The following MYOM1 variants were observed in gnomAD, a reference collection of about 807,000 sequenced individuals.
MYOM1 encodes the protein myomesin-1.
In MYOM1, 164 loss-of-function variants were observed where a neutral mutation model predicts 205.3. That is an observed-to-expected ratio of 0.80 (90% CI 0.70 to 0.91). The LOEUF (loss-of-function observed/expected upper bound fraction) is 0.91. Among genes scored for constraint, MYOM1 ranks in the 40% least tolerant of loss-of-function variants. The probability of loss-of-function intolerance (pLI) is 0.00; values close to 1 mark genes in which losing one functional copy is unlikely to be tolerated. For synonymous variants in MYOM1, 772 were observed against 789.4 expected, an observed-to-expected ratio of 0.98 and a Z score of 0.37; for missense variants, 2,011 against 2,127.3, an observed-to-expected ratio of 0.95 and a Z score of 1.08.
At chr18:3,160,184 CTTTT>C (rs894399623) in intron 10 of MYOM1, among the ~76,000 whole-genome samples, 2 of 149,014 alleles carry the variant, frequency 1.3e-5, no homozygotes, top group African/African-American at 5.0e-5. Flanking sequence ...TTCTCTCTCT[CTTTT>C]TTTTCTTTCT....
In MYOM1 at chr18:3,129,225, C is replaced by G; in HGVS notation, c.2794+7G>C. ...GGATGGAACAGCTTCCCTTTCTCAA[C>G]TCTCACCTCTGTCTGTCTTCTTTTT... On this transcript the variant is annotated splice_region_variant and intron_variant, in intron 18 of 37. Transcript: ENST00000356443. 6.2e-7 allele frequency: 1 copy of G among 1,611,666 alleles called. No homozygotes were observed. Among genetic ancestry groups the G allele is most frequent in the Non-Finnish European group, 8.5e-7 (1 of 1,178,832 alleles).
intron 28 of MYOM1, 35 bp downstream of exon 28, chr18:3,089,502 T>G (rs1354069795): frequency 6.5e-7 from 1 of 1,541,832 alleles, no homozygotes; most frequent in East Asian, 2.3e-5. Flanking sequence ...ACAAAAAAAT[T>G]AAAAATTTTC....
chr18:3,194,326 A>G (rs1045457627), intron 2 of MYOM1, among the ~76,000 whole-genome samples: 3 of 152,164 alleles, frequency 2.0e-5, no homozygotes, highest in Non-Finnish European at 2.9e-5. Context: ...GGTGCATCCA[A>G]ATTCTTTTGG....
At position 3,123,827 on chromosome 18, in the gene MYOM1, A is replaced by ATTT. The variant is rs5822739; in HGVS notation, c.2991+2871_2991+2873dup. Among the ~76,000 whole-genome samples the ATTT allele has an allele frequency of 6.8e-4, 100 of 147,450 alleles. 1 individual carries two copies. Among genetic ancestry groups the ATTT allele is most frequent in the Middle Eastern group, 3.5e-3 (1 of 286 alleles). On this transcript the variant is annotated intron_variant, in intron 19 of 37. Transcript: ENST00000356443. Reference sequence around the variant, plus strand: ...ATAAAGCTATAATTTATTTTTATTTATTTATTTTTTTTGAGACAGGATCTC... The same window carrying ATTT: ...ATAAAGCTATAATTTATTTTTATTTATTTTTTATTTTTTTTGAGACAGGATCTC...
chr18:3,147,911 G>GA (rs1158465925), intron 13 of MYOM1, among the ~76,000 whole-genome samples: 4 of 151,986 alleles, frequency 2.6e-5, no homozygotes, highest in Admixed American at 2.0e-4. Context: ...TTTCCAGGGG[G>GA]AAAAAAACAG....
intron 30 of MYOM1, 28 bp from the exon 31 acceptor site, chr18:3,085,160 C>T (rs1265149009): frequency 6.6e-7 from 1 of 1,510,670 alleles, no homozygotes; most frequent in Non-Finnish European, 9.0e-7. Flanking sequence ...TACCACATTG[C>T]ACCTTTCGTA....
At chr18:3,116,636 G>T in intron 20 of MYOM1, 121 bp from the exon 21 acceptor site, 1 of 900,404 alleles carries the variant, frequency 1.1e-6, no homozygotes, top group Non-Finnish European at 1.6e-6. Flanking sequence ...TCAAAATCTA[G>T]CTTTCCCATG....
At chr18:3,096,288 A>G (rs936482069) in intron 25 of MYOM1, among the ~76,000 whole-genome samples, 3 of 152,206 alleles carry the variant, frequency 2.0e-5, no homozygotes, top group African/African-American at 7.2e-5. Context: ...TCAAATCGCC[A>G]CAATACCAAC....
intron 12 of MYOM1, among the ~76,000 whole-genome samples, chr18:3,150,331 G>A (rs1295628486): frequency 6.6e-6 from 1 of 152,136 alleles, no homozygotes; most frequent in Non-Finnish European, 1.5e-5. Flanking sequence ...CAGAGTGCTG[G>A]GATTACAGGT....
Position 3,135,035 on chromosome 18 carries a change from A to C in MYOM1, c.2210-211T>G, listed in dbSNP as rs958860115. 1 of 479,950 alleles carries C rather than the reference A, an allele frequency of 2.1e-6. No individual in the cohort carries two copies. The highest frequency in any genetic ancestry group is 2.4e-5 in the South Asian group (1 of 41,444). 29.7% of individuals were successfully genotyped at this position (479,950 alleles called of 1,614,324 possible). On this transcript the variant is annotated intron_variant, in intron 15 of 37. Transcript: ENST00000356443. The surrounding 1 kb of genome is among the most constrained non-coding windows in gnomAD (Gnocchi z 4.1). Reference sequence around the variant, plus strand: ...GGGATCTCGGCTCACTGCAGCCCCCACCTCCTGGGTTCAGGCAATTTTCCC... The same window carrying C: ...GGGATCTCGGCTCACTGCAGCCCCCCCCTCCTGGGTTCAGGCAATTTTCCC...
In MYOM1 at chr18:3,071,886, C is replaced by G; in HGVS notation, c.4712G>C (p.Arg1571Pro). The change falls in exon 37 of 38, where the codon CGT becomes CCT. Residue 1571 changes from arginine to proline, a missense_variant. Coordinates refer to ENST00000356443, the MANE Select transcript of MYOM1 (RefSeq NM_003803.4). The part of the protein sequence containing the change: ...LKQAAIAEKN[R>P]ARVLGGLPDV... ...TGGGAGACCTCCCAACACCCGGGCA[C>G]GATCTGCAAGCATAGGCATTTTGGG... 1 of 1,604,232 alleles carries G rather than the reference C, an allele frequency of 6.2e-7. No homozygotes were observed. Among genetic ancestry groups the G allele is most frequent in the Non-Finnish European group, 8.5e-7 (1 of 1,175,314 alleles).
chr18:3,197,159 CGGAGTCTCACTCTGTCACCCAGGCT>C (rs2080999685), intron 2 of MYOM1, among the ~76,000 whole-genome samples: 2 of 140,700 alleles, frequency 1.4e-5, no homozygotes, highest in Non-Finnish European at 3.0e-5. Flanking sequence ...TTTTTTGAGA[CGGAGTCTCACTCTGTCACCCAGGCT>C]GGAGTGCAAT....
At chr18:3,169,741 G>A (rs2080527946) in intron 8 of MYOM1, among the ~76,000 whole-genome samples, 2 of 152,100 alleles carry the variant, frequency 1.3e-5, no homozygotes, top group Admixed American at 1.3e-4. Flanking sequence ...CAGTATGGAG[G>A]TTCCTCAAAA....
chr18:3,242,710 T>C, the MYOM1 span, among the ~76,000 whole-genome samples: 1 of 152,280 alleles, frequency 6.6e-6, no homozygotes, highest in East Asian at 1.9e-4. Context: ...GGTTTCACCA[T>C]GTTGGCCAGG....
At chr18:3,095,889 C>T (rs971553948) in intron 25 of MYOM1, among the ~76,000 whole-genome samples, 8 of 152,168 alleles carry the variant, frequency 5.3e-5, no homozygotes, top group Admixed American at 6.5e-5. Context: ...CTCATGCTTG[C>T]TACAACTAAG....
chr18:3,123,226 C>T (rs760356274), intron 19 of MYOM1, among the ~76,000 whole-genome samples: 6 of 152,004 alleles, frequency 3.9e-5, no homozygotes, highest in Non-Finnish European at 8.8e-5. Flanking sequence ...AGTAAATTGC[C>T]ACTATTTGCA....
intron 10 of MYOM1, among the ~76,000 whole-genome samples, chr18:3,156,061 C>G (rs927253383): frequency 6.6e-6 from 1 of 152,164 alleles, no homozygotes; most frequent in Non-Finnish European, 1.5e-5. Flanking sequence ...TCAGGCACAG[C>G]TGAATTAGTG....
rs1443436438 is a variant in MYOM1, at chr18:3,155,014, TATA to T, written c.1573_1575del (p.Tyr525del). On this transcript the variant is annotated inframe_deletion, in exon 11 of 38. Coordinates refer to ENST00000356443, the MANE Select transcript of MYOM1 (RefSeq NM_003803.4). ...GCTGGCTGTTTCCAGGAGATGATGATATAATCTTTGTTGGCCTCCAAGCACTTC... is the reference window on the plus strand; with the variant it reads ...GCTGGCTGTTTCCAGGAGATGATGATATCTTTGTTGGCCTCCAAGCACTTC... 1 of 1,613,466 alleles carries T rather than the reference TATA, an allele frequency of 6.2e-7. No homozygotes were observed. Among genetic ancestry groups the T allele is most frequent in the South Asian group, 1.1e-5 (1 of 90,906 alleles).
intron 25 of MYOM1, among the ~76,000 whole-genome samples, chr18:3,097,006 A>G (rs563788182): frequency 6.6e-6 from 1 of 152,290 alleles, no homozygotes; most frequent in South Asian, 2.1e-4. Context: ...GCCTCAGCGA[A>G]ATATGTTATT....
Sources: gnomAD v4.1 joint callset for allele counts (sites outside exome capture counted in the v4.1 genomes callset) on GRCh38, gnomAD v4.1.1 for gene constraint, Gnocchi (gnomAD v3.1) non-coding constraint, MANE v1.5 for transcripts, NCBI Gene and HGNC (gene_info 2026-07-23, HGNC 2026-07-21) for gene names.